DNAH12: variants seen among roughly 807,000 people sequenced by gnomAD.
DNAH12 encodes the protein dynein axonemal heavy chain 12, also known as axonemal beta dynein heavy chain 12.
A neutral mutation model predicts 371.5 loss-of-function variants in DNAH12; 285 were observed. The ratio of observed to expected loss-of-function variants is 0.77; its 90% CI spans 0.70 to 0.85. The LOEUF (loss-of-function observed/expected upper bound fraction) is 0.85, where lower values mean the gene tolerates loss of function less well. DNAH12 is among the 40% of genes least tolerant of loss of function. The pLI is 0.00. For synonymous variants in DNAH12, 1,200 were observed against 1,213.0 expected (o/e 0.99, Z 0.22); for missense variants, 3,611 against 3,689.4 (o/e 0.98, Z 0.55).
rs1186840683 is a variant in DNAH12, at chr3:57,309,764, C to A, written c.10987G>T (p.Glu3663Ter). The change falls in exon 68 of 74, where the codon GAG becomes TAG. Residue 3663 changes from glutamate to a stop codon, truncating the protein, a stop_gained. Coordinates refer to ENST00000495027, the MANE Select transcript of DNAH12 (RefSeq NM_001366028.2). LOFTEE classifies it high-confidence loss of function. ...KDLQQTKTLFESLLLTQGGSK... is the reference protein window; with the variant it reads ...KDLQQTKTLF ...CCTCCCTGGGTGAGGAGCAAGGACTCAAAGAGGGTTTTTGTTTGTTGAAGA... is the reference window on the plus strand; with the variant it reads ...CCTCCCTGGGTGAGGAGCAAGGACTAAAAGAGGGTTTTTGTTTGTTGAAGA... 6.4e-7 allele frequency: 1 copy of A among 1,551,396 alleles called. No individual in the cohort carries two copies. Among genetic ancestry groups the A allele is most frequent in the East Asian group, 2.4e-5 (1 of 40,904 alleles).
chr3:57,523,643 G>T (rs2068527267), intron 3 of DNAH12, 34 bp from the exon 4 acceptor site: 37 of 1,466,270 alleles, frequency 2.5e-5, no homozygotes, highest in Non-Finnish European at 3.4e-5. Flanking sequence ...ATTAAATCAA[G>T]GAGAACATTT....
chr3:57,369,266 T>C (rs969297722), intron 55 of DNAH12, among the ~76,000 whole-genome samples: 454 of 143,752 alleles, frequency 3.2e-3, no homozygotes, highest in Non-Finnish European at 4.8e-3. Context: ...TATTTAATTA[T>C]ATATATAATT....
chr3:57,469,921 A>G, intron 16 of DNAH12, among the ~76,000 whole-genome samples: 1 of 152,110 alleles, frequency 6.6e-6, no homozygotes, highest in East Asian at 1.9e-4. Context: ...TTGTACCCCA[A>G]ATATCAGTGT....
intron 37 of DNAH12, 108 bp from the exon 38 acceptor site, chr3:57,415,672 A>G (rs2064350629): frequency 1.8e-6 from 2 of 1,108,860 alleles, no homozygotes; most frequent in Non-Finnish European, 2.4e-6. Context: ...AATCATCTTC[A>G]TTAAAAACTC....
intron 22 of DNAH12, among the ~76,000 whole-genome samples, chr3:57,455,575 C>A (rs2065880619): frequency 6.6e-6 from 1 of 151,362 alleles, no homozygotes; most frequent in Admixed American, 6.6e-5. Flanking sequence ...GTCTCAAAAA[C>A]AACAACAACA....
chr3:57,551,972 T>C, the DNAH12 span, among the ~76,000 whole-genome samples: 9 of 149,828 alleles, frequency 6.0e-5, no homozygotes, highest in East Asian at 1.0e-3. Flanking sequence ...GGGCCAGGCA[T>C]GGTGGTTCAC....
chr3:57,473,270 T>A (rs1449804507), intron 13 of DNAH12, among the ~76,000 whole-genome samples: 1 of 152,064 alleles, frequency 6.6e-6, no homozygotes, highest in Non-Finnish European at 1.5e-5. Context: ...GTGGATCACC[T>A]GAGGTCAGGA....
At chr3:57,403,642 A>G (rs2063937419) in intron 42 of DNAH12, 141 bp from the exon 43 acceptor site, 1 of 783,484 alleles carries the variant, frequency 1.3e-6, no homozygotes, top group Non-Finnish European at 1.8e-6. Flanking sequence ...AGAGTTTACT[A>G]TCAAAAAGTG....
chr3:57,483,611 T>C, intron 12 of DNAH12, 100 bp from the exon 13 acceptor site: 2 of 1,269,934 alleles, frequency 1.6e-6, no homozygotes, highest in East Asian at 2.6e-5. Flanking sequence ...AGAACTATGA[T>C]ATCCTAAAAA....
At chr3:57,365,389 A>C (rs1180536773) in intron 57 of DNAH12, among the ~76,000 whole-genome samples, 1 of 152,232 alleles carries the variant, frequency 6.6e-6, no homozygotes, top group Non-Finnish European at 1.5e-5. Context: ...GTTCTCACTT[A>C]TAAGTGGGAG....
At chr3:57,490,488 A>G (rs189072608) in intron 11 of DNAH12, among the ~76,000 whole-genome samples, 2 of 152,342 alleles carry the variant, frequency 1.3e-5, no homozygotes, top group Admixed American at 6.5e-5. Context: ...GATATGTGAT[A>G]CTTGGTAAAA....
chr3:57,413,971 C>T, intron 38 of DNAH12, 59 bp from the exon 39 acceptor site: 1 of 1,487,052 alleles, frequency 6.7e-7, no homozygotes, highest in Non-Finnish European at 9.0e-7. Flanking sequence ...ATTTATCATA[C>T]TTATATTAAA....
intron 37 of DNAH12, among the ~76,000 whole-genome samples, chr3:57,416,875 G>A (rs2064392235): frequency 6.6e-6 from 1 of 152,088 alleles, no homozygotes; most frequent in Non-Finnish European, 1.5e-5. Flanking sequence ...ACAAAACTCT[G>A]GAGAATCCCT....
intron 2 of DNAH12, among the ~76,000 whole-genome samples, chr3:57,534,508 CTTTTT>C (rs35588123): frequency 1.7e-4 from 18 of 108,840 alleles, no homozygotes; most frequent in African/African-American, 6.6e-4. Flanking sequence ...TGTTAGCTAG[CTTTTT>C]TTTTTTTTTT....
At chr3:57,465,924 A>G (rs2066187375) in intron 17 of DNAH12, among the ~76,000 whole-genome samples, 1 of 152,292 alleles carries the variant, frequency 6.6e-6, no homozygotes, top group Non-Finnish European at 1.5e-5. Context: ...GCAAAAACCT[A>G]AAGTTTGATG....
chr3:57,407,849 T>C (rs1553681785), intron 40 of DNAH12, among the ~76,000 whole-genome samples: 1 of 152,146 alleles, frequency 6.6e-6, no homozygotes, highest in Non-Finnish European at 1.5e-5. Flanking sequence ...CTAAAAGTAA[T>C]GTATTCATAA....
At chr3:57,483,305 A>G in intron 13 of DNAH12, 71 bp downstream of exon 13, 1 of 1,496,124 alleles carries the variant, frequency 6.7e-7, no homozygotes. Flanking sequence ...TATATATTTT[A>G]TACATCTTCA....
At chr3:57,398,584 C>T (rs2063792203) in intron 43 of DNAH12, among the ~76,000 whole-genome samples, 1 of 152,142 alleles carries the variant, frequency 6.6e-6, no homozygotes, top group Non-Finnish European at 1.5e-5. Flanking sequence ...AGGGAATTAC[C>T]TTAAGATTAG....
At chr3:57,488,382 C>T (rs1050476120) in intron 12 of DNAH12, among the ~76,000 whole-genome samples, 3 of 151,896 alleles carry the variant, frequency 2.0e-5, no homozygotes, top group East Asian at 1.9e-4. Flanking sequence ...TTAGTAGAGA[C>T]GGGGTTTCAC....
Sources: gnomAD v4.1 joint callset for allele counts (sites outside exome capture counted in the v4.1 genomes callset) on GRCh38, gnomAD v4.1.1 for gene constraint, MANE v1.5 for transcripts, NCBI Gene and HGNC (gene_info 2026-07-23, HGNC 2026-07-21) for gene names.